TENM1: variants seen among roughly 807,000 people sequenced by gnomAD.
TENM1 encodes the protein teneurin transmembrane protein 1, also known as teneurin-1.
In TENM1, 35 loss-of-function variants were observed where a neutral mutation model predicts 174.8. The observed-to-expected ratio is 0.20, with a 90% CI of 0.15 to 0.27. The LOEUF (loss-of-function observed/expected upper bound fraction) is 0.27. Ranked by LOEUF, TENM1 falls within the 10% of genes least tolerant of loss-of-function variation. The probability of loss-of-function intolerance (pLI) is 1.00; values close to 1 mark genes in which losing one functional copy is unlikely to be tolerated. For missense variants in TENM1, 1,633 were observed against 2,130.1 expected, an observed-to-expected ratio of 0.77 and a Z score of 4.59; for synonymous variants, 781 against 798.7, an observed-to-expected ratio of 0.98 and a Z score of 0.37.
intron 14 of TENM1, among the ~76,000 whole-genome samples, chrX:124,548,776 T>C (rs968800599): frequency 9.0e-5 from 10 of 110,788 alleles, no homozygotes; most frequent in Non-Finnish European, 1.9e-4. Context: ...TCTGCTCCCG[T>C]GGAGTTAGAG....
At chrX:125,007,951 T>C in the TENM1 span, among the ~76,000 whole-genome samples, 4 of 111,572 alleles carry the variant, frequency 3.6e-5, no homozygotes, top group Non-Finnish European at 1.9e-5. Flanking sequence ...AGACCAATGA[T>C]GTTGTGAAGA....
the TENM1 span, among the ~76,000 whole-genome samples, chrX:125,010,095 T>C: frequency 3.8e-3 from 423 of 110,604 alleles, 3 homozygotes; most frequent in African/African-American, 0.014. Context: ...GTCAAATTGT[T>C]TGCAAATGAC....
At chrX:124,596,676 G>A (rs2049898395) in intron 11 of TENM1, among the ~76,000 whole-genome samples, 1 of 111,731 alleles carries the variant, frequency 9.0e-6, no homozygotes, top group South Asian at 3.7e-4. Context: ...CGTAAGGAGA[G>A]TAAGAGAGAG....
the TENM1 span, among the ~76,000 whole-genome samples, chrX:125,190,270 C>G: frequency 8.9e-6 from 1 of 112,249 alleles, no homozygotes; most frequent in East Asian, 2.8e-4. Flanking sequence ...CCTGCCAAAA[C>G]TTGTCAATGC....
intron 22 of TENM1, among the ~76,000 whole-genome samples, chrX:124,480,914 T>G (rs1269907392): frequency 1.8e-5 from 2 of 111,473 alleles, no homozygotes; most frequent in African/African-American, 6.5e-5. Context: ...GTCAATGATA[T>G]ATGATGACAG....
intron 4 of TENM1, among the ~76,000 whole-genome samples, chrX:124,706,034 T>C (rs890468099): frequency 8.1e-5 from 9 of 111,270 alleles, no homozygotes; most frequent in African/African-American, 2.9e-4. Flanking sequence ...GCCTCCTGAG[T>C]AGCTGGGACT....
the TENM1 span, among the ~76,000 whole-genome samples, chrX:125,089,581 G>A: frequency 8.9e-6 from 1 of 111,862 alleles, no homozygotes; most frequent in Non-Finnish European, 1.9e-5. Context: ...TTAGTTTAAA[G>A]GCTCATATAA....
At chrX:124,782,797 C>CTCT (rs2054945067) in intron 3 of TENM1, among the ~76,000 whole-genome samples, 7 of 111,362 alleles carry the variant, frequency 6.3e-5, no homozygotes, top group Middle Eastern at 4.6e-3. Context: ...ACCTCCGAGA[C>CTCT]TCTTATACAC....
intron 27 of TENM1, 115 bp downstream of exon 30, chrX:124,404,916 G>C: frequency 1.5e-6 from 1 of 657,557 alleles, no homozygotes; most frequent in Non-Finnish European, 2.4e-6. Flanking sequence ...AAAAGCTTTG[G>C]AGAAATGGGA....
intron 1 of TENM1, among the ~76,000 whole-genome samples, chrX:124,910,958 G>A (rs2057826298): frequency 9.2e-6 from 1 of 108,691 alleles, no homozygotes; most frequent in Admixed American, 9.8e-5. Flanking sequence ...CTGTCACCCA[G>A]GCTTTGGAGT....
intron 20 of TENM1, among the ~76,000 whole-genome samples, chrX:124,496,663 C>T (rs1276349783): frequency 1.8e-5 from 2 of 111,694 alleles, no homozygotes; most frequent in Admixed American, 1.9e-4. Flanking sequence ...CCTCTCCCAA[C>T]TAGAATGGAA....
At chrX:124,783,019 C>T in intron 3 of TENM1, among the ~76,000 whole-genome samples, 1 of 111,512 alleles carries the variant, frequency 9.0e-6, no homozygotes, top group African/African-American at 3.3e-5. Flanking sequence ...GTTTAGCCAC[C>T]TGAAGGAGAA....
chrX:124,769,321 C>A (rs1025771660), intron 3 of TENM1, among the ~76,000 whole-genome samples: 4 of 111,530 alleles, frequency 3.6e-5, no homozygotes, highest in African/African-American at 1.3e-4. Flanking sequence ...TATTAAAAAG[C>A]AATTTGGCTG....
the TENM1 span, among the ~76,000 whole-genome samples, chrX:125,003,352 A>G: frequency 4.5e-5 from 5 of 111,999 alleles, no homozygotes; most frequent in Non-Finnish European, 9.4e-5. Flanking sequence ...CTGAATTTAG[A>G]ATACATACAT....
At chrX:124,684,426 T>C (rs1309604233) in intron 5 of TENM1, among the ~76,000 whole-genome samples, 1 of 112,613 alleles carries the variant, frequency 8.9e-6, no homozygotes, top group African/African-American at 3.2e-5. Flanking sequence ...ATACCTTCCA[T>C]GTGGCAGAAG....
At chrX:124,799,885 T>C (rs1239734223) in intron 3 of TENM1, among the ~76,000 whole-genome samples, 3 of 112,197 alleles carry the variant, frequency 2.7e-5, no homozygotes, top group Admixed American at 9.4e-5. Context: ...ATTGCTTCTG[T>C]TTATGTGATG....
chrX:125,188,487 A>G, the TENM1 span, among the ~76,000 whole-genome samples: 286 of 112,467 alleles, frequency 2.5e-3, 1 homozygote, highest in Middle Eastern at 9.2e-3. Flanking sequence ...AATTAACCTT[A>G]TGGTCCCAAT....
intron 11 of TENM1, among the ~76,000 whole-genome samples, chrX:124,580,501 T>C (rs2049278323): frequency 9.1e-6 from 1 of 109,702 alleles, no homozygotes; most frequent in Non-Finnish European, 1.9e-5. Flanking sequence ...TATACACATG[T>C]GTGTGTATAT....
intron 6 of TENM1, among the ~76,000 whole-genome samples, 193 bp downstream of exon 9, chrX:124,671,490 G>T (rs997268760): frequency 6.3e-5 from 7 of 111,204 alleles, no homozygotes; most frequent in African/African-American, 1.6e-4. Flanking sequence ...ACTTTAATTG[G>T]TTTATACTCA....
Sources: allele counts gnomAD v4.1 joint callset (sites outside exome capture counted in the v4.1 genomes callset), GRCh38; gene constraint gnomAD v4.1.1; transcripts MANE v1.5; gene names NCBI Gene and HGNC (gene_info 2026-07-23, HGNC 2026-07-21).